The following FSTL5 variants were observed in gnomAD, a reference collection of about 807,000 sequenced individuals.
FSTL5 encodes the protein follistatin like 5, also known as follistatin-related protein 5.
In FSTL5, 62 loss-of-function variants were observed where a neutral mutation model predicts 89.1. The ratio of observed to expected loss-of-function variants is 0.70; its 90% CI spans 0.57 to 0.86. The LOEUF is 0.86. Among genes scored for constraint, FSTL5 ranks in the 40% least tolerant of loss-of-function variants. The probability of loss-of-function intolerance (pLI) is 0.00; values close to 1 mark genes in which losing one functional copy is unlikely to be tolerated. For synonymous variants in FSTL5, 383 were observed against 346.2 expected (o/e 1.11, Z -1.18); for missense variants, 1,057 against 1,001.6 (o/e 1.06, Z -0.75).
intron 4 of FSTL5, among the ~76,000 whole-genome samples, chr4:161,898,442 C>T (rs1036854017): frequency 6.6e-6 from 1 of 151,852 alleles, no homozygotes; most frequent in African/African-American, 2.4e-5. Context: ...TAAGATTACG[C>T]TTAGCTTCAT....
chr4:161,395,989 T>G (rs1018705273), intron 15 of FSTL5, among the ~76,000 whole-genome samples: 4 of 152,080 alleles, frequency 2.6e-5, no homozygotes, highest in Non-Finnish European at 4.4e-5. Context: ...GACCCTAGAC[T>G]TGGCCATGTG....
At chr4:161,902,646 G>C (rs894429557) in intron 4 of FSTL5, among the ~76,000 whole-genome samples, 1 of 152,038 alleles carries the variant, frequency 6.6e-6, no homozygotes. Context: ...AGGAGATCGA[G>C]ACCATCCTGG....
intron 7 of FSTL5, among the ~76,000 whole-genome samples, chr4:161,627,987 A>G (rs551116180): frequency 1.4e-3 from 207 of 152,284 alleles, no homozygotes; most frequent in African/African-American, 4.7e-3. Flanking sequence ...ATGAATGGAA[A>G]CATTCCCACA....
chr4:162,029,909 T>A (rs1440531809), intron 3 of FSTL5, among the ~76,000 whole-genome samples: 1 of 11,360 alleles, frequency 8.8e-5, no homozygotes, highest in Non-Finnish European at 1.5e-4. Context: ...TTATTTCCTT[T>A]TTTTTTTTTT....
At chr4:161,442,152 T>TG (rs1387832418) in intron 15 of FSTL5, among the ~76,000 whole-genome samples, 2 of 151,520 alleles carry the variant, frequency 1.3e-5, no homozygotes, top group African/African-American at 2.4e-5. Flanking sequence ...AAAAGGTTTT[T>TG]TTTTTTTTTT....
At chr4:161,452,088 C>T (rs996949217) in intron 15 of FSTL5, among the ~76,000 whole-genome samples, 5 of 152,218 alleles carry the variant, frequency 3.3e-5, no homozygotes, top group African/African-American at 1.2e-4. Context: ...TTGAGCCCAA[C>T]AGTTAGAATG....
At chr4:161,701,978 A>T (rs1193940161) in intron 6 of FSTL5, among the ~76,000 whole-genome samples, 1 of 152,118 alleles carries the variant, frequency 6.6e-6, no homozygotes, top group Non-Finnish European at 1.5e-5. Flanking sequence ...TATAAATATT[A>T]TGTGGTTTAT....
intron 4 of FSTL5, among the ~76,000 whole-genome samples, chr4:161,810,987 T>A (rs1299361767): frequency 6.6e-6 from 1 of 152,156 alleles, no homozygotes; most frequent in Non-Finnish European, 1.5e-5. Context: ...ATGTTTCACA[T>A]GAATTTCCTC....
chr4:161,563,333 C>T (rs182194857), intron 8 of FSTL5, among the ~76,000 whole-genome samples: 1 of 151,966 alleles, frequency 6.6e-6, no homozygotes, highest in Non-Finnish European at 1.5e-5. Flanking sequence ...ACTGCTTTAT[C>T]GTATGGCAAT....
At chr4:161,461,485 A>T (rs981135288) in intron 13 of FSTL5, among the ~76,000 whole-genome samples, 3 of 149,348 alleles carry the variant, frequency 2.0e-5, no homozygotes, top group Non-Finnish European at 1.5e-5. Context: ...AAAAAAAAAA[A>T]AAAAAGAGGA....
intron 12 of FSTL5, among the ~76,000 whole-genome samples, chr4:161,488,475 G>A (rs536279866): frequency 5.3e-5 from 8 of 151,982 alleles, no homozygotes; most frequent in Admixed American, 1.3e-4. Context: ...ATCATAAGCT[G>A]AGCATTGTTT....
intron 3 of FSTL5, among the ~76,000 whole-genome samples, chr4:161,996,924 T>C (rs1042372060): frequency 2.6e-5 from 4 of 152,238 alleles, no homozygotes; most frequent in Admixed American, 2.6e-4. Context: ...TCTTTTTTTA[T>C]AGTTGAAAAT....
At chr4:161,912,575 T>G (rs1266420604) in intron 4 of FSTL5, among the ~76,000 whole-genome samples, 1 of 152,164 alleles carries the variant, frequency 6.6e-6, no homozygotes, top group East Asian at 1.9e-4. Context: ...TTCCCATCCA[T>G]GTGGAACTGC....
intron 3 of FSTL5, among the ~76,000 whole-genome samples, chr4:161,928,276 T>C (rs994152267): frequency 1.3e-5 from 2 of 151,842 alleles, no homozygotes; most frequent in African/African-American, 2.4e-5. Context: ...TCCCATTGTA[T>C]GGATTACCAT....
chr4:161,653,391 A>G (rs1161913401), intron 7 of FSTL5, among the ~76,000 whole-genome samples: 1 of 152,162 alleles, frequency 6.6e-6, no homozygotes, highest in Admixed American at 6.5e-5. Context: ...TCCTGTTCTT[A>G]TTCATGAAAT....
chr4:161,986,275 C>A (rs182082432), intron 3 of FSTL5, among the ~76,000 whole-genome samples: 1 of 152,116 alleles, frequency 6.6e-6, no homozygotes, highest in Non-Finnish European at 1.5e-5. Flanking sequence ...ATAGGCCAGG[C>A]ACGGTGGCTC....
chr4:161,654,704 C>A (rs930171755), intron 7 of FSTL5, among the ~76,000 whole-genome samples: 1 of 151,996 alleles, frequency 6.6e-6, no homozygotes, highest in Non-Finnish European at 1.5e-5. Flanking sequence ...TTTAGGGGTT[C>A]TGTATGAAGC....
intron 3 of FSTL5, among the ~76,000 whole-genome samples, chr4:162,027,064 G>A (rs1737322505): frequency 6.6e-6 from 1 of 152,102 alleles, no homozygotes; most frequent in African/African-American, 2.4e-5. Flanking sequence ...GCCCTTCTTA[G>A]AATAAATAAG....
rs1220618361 is a variant in FSTL5 at position 161,983,621 on chromosome 4, A to C, written c.160+50004T>G. 2.6e-5 allele frequency among the ~76,000 whole-genome samples: 4 copies of C among 152,294 alleles called. No individual in the cohort carries two copies. The East Asian group carries it at 7.7e-4, about 29-fold the overall frequency. On this transcript the variant is annotated intron_variant, in intron 3 of 15. Coordinates refer to ENST00000306100, the MANE Select transcript of FSTL5 (RefSeq NM_020116.5). Reference sequence around the variant, plus strand: ...ACGTGTCTTCCCTTAAGAGAGTTTTAAAGATCATGCATTTCATGAAAATGA... The same window carrying C: ...ACGTGTCTTCCCTTAAGAGAGTTTTCAAGATCATGCATTTCATGAAAATGA...
Sources: allele counts gnomAD v4.1 joint callset (sites outside exome capture counted in the v4.1 genomes callset), GRCh38; gene constraint gnomAD v4.1.1; transcripts MANE v1.5; gene names NCBI Gene and HGNC (gene_info 2026-07-23, HGNC 2026-07-21).